MORC3: variants seen among roughly 807,000 people sequenced by gnomAD.
The protein encoded by MORC3 is MORC family CW-type zinc finger protein 3.
A neutral mutation model predicts 109.1 loss-of-function variants in MORC3; 31 were observed. The ratio of observed to expected loss-of-function variants is 0.28; its 90% CI spans 0.21 to 0.38. The LOEUF (loss-of-function observed/expected upper bound fraction) is 0.38, where lower values mean the gene tolerates loss of function less well. Ranked by LOEUF, MORC3 falls within the 10% of genes least tolerant of loss-of-function variation. The pLI, the probability that MORC3 is intolerant of heterozygous loss-of-function variation, is 1.00. For synonymous variants in MORC3, 395 were observed against 380.7 expected, an observed-to-expected ratio of 1.04 and a Z score of -0.44; for missense variants, 867 against 1,135.8, an observed-to-expected ratio of 0.76 and a Z score of 3.40.
rs751357440 is a variant in MORC3 at position 36,320,222 on chromosome 21, G to A, written c.-43G>A. Reference sequence around the variant, plus strand: ...ACAGTCGTTCCGCCACCTCCCAGTCGGGTTGCGGCGGAGGCCGTTCCTGGC... The same window carrying A: ...ACAGTCGTTCCGCCACCTCCCAGTCAGGTTGCGGCGGAGGCCGTTCCTGGC... On this transcript the variant is annotated 5_prime_UTR_variant, in exon 1 of 17. Transcript: ENST00000400485. 18 of 1,565,730 alleles carry A rather than the reference G, an allele frequency of 1.1e-5. No individual in the cohort carries two copies. In the Admixed American group the frequency reaches 1.5e-4, roughly 13 times the overall value.
intron 9 of MORC3, among the ~76,000 whole-genome samples, chr21:36,352,079 T>G (rs889921566): frequency 6.6e-6 from 1 of 152,222 alleles, no homozygotes; most frequent in African/African-American, 2.4e-5. Flanking sequence ...CCAAGTGGGT[T>G]GTGTTCTAAG....
intron 15 of MORC3, among the ~76,000 whole-genome samples, chr21:36,372,162 A>G (rs1438557394): frequency 6.6e-6 from 1 of 151,922 alleles, no homozygotes; most frequent in African/African-American, 2.4e-5. Flanking sequence ...AAGTGGTAAT[A>G]TGTTGTATTC....
intron 1 of MORC3, among the ~76,000 whole-genome samples, chr21:36,328,319 TATA>T (rs1438233790): frequency 6.6e-6 from 1 of 150,546 alleles, no homozygotes; most frequent in Non-Finnish European, 1.5e-5. Flanking sequence ...TTTTGTTATT[TATA>T]ATAATAAGCC....
Position 36,375,258 on chromosome 21 carries a change from C to G in MORC3, c.2782C>G (p.Gln928Glu). 2 of 1,613,462 alleles carry G rather than the reference C, an allele frequency of 1.2e-6. No homozygotes were observed. The highest frequency in any genetic ancestry group is 1.7e-6 in the Non-Finnish European group (2 of 1,179,564). The change falls in exon 17 of 17, where the codon CAA becomes GAA. Residue 928 changes from glutamine to glutamate, a missense_variant. By Grantham distance (29) the Gln-to-Glu change is conservative. This residue lies in a region of MORC3 where 34 missense variants were observed against 35.2 expected (regional missense o/e 0.97). Transcript: ENST00000400485. ...TGATGTAGTTGATGAGATTTTAGGA[C>G]AAGTTGTTGAACAAATGAGTGAAAT... is the stretch of plus-strand genomic sequence containing the variant. Reference protein sequence around the residue: ...DVDVVDEILGQVVEQMSEISS... With the variant: ...DVDVVDEILGEVVEQMSEISS...
intron 1 of MORC3, among the ~76,000 whole-genome samples, chr21:36,328,329 A>G (rs1444879530): frequency 7.0e-6 from 1 of 143,180 alleles, no homozygotes; most frequent in East Asian, 2.0e-4. Context: ...TATAATAATA[A>G]GCCCCCCCCC....
intron 9 of MORC3, among the ~76,000 whole-genome samples, chr21:36,353,224 G>A (rs2085595410): frequency 6.6e-6 from 1 of 151,324 alleles, no homozygotes; most frequent in East Asian, 2.0e-4. Context: ...GGGCTTGGTG[G>A]CGTGTGGCTG....
In MORC3 at chr21:36,337,921, T is replaced by A; in HGVS notation, c.435T>A (p.Val145=). The A allele has an allele frequency of 6.2e-7, 1 of 1,614,136 alleles. No individual in the cohort carries two copies. Among genetic ancestry groups the A allele is most frequent in the Non-Finnish European group, 8.5e-7 (1 of 1,180,002 alleles). ...TCATAAAAGCGGAGCATGTTGTTGT[T>A]CCAATAGTGGCATTCAACAAGCACC... The part of the protein sequence containing the change: ...LEVIKAEHVV[V]PIVAFNKHRQ... The change falls in exon 4 of 17, where the codon GTT becomes GTA. Residue 145 remains valine (V), a synonymous_variant. Coordinates refer to ENST00000400485, the MANE Select transcript of MORC3 (RefSeq NM_015358.3).
chr21:36,324,962 G>A lies in MORC3; in HGVS notation c.39+4659G>A, dbSNP rs931983644. The stretch of plus-strand genomic sequence containing the variant: ...GACCTCAACTGATCCACCCGCCTCG[G>A]CCTCCCAAAGTGCTGGGATTACAGG... On this transcript the variant is annotated intron_variant, in intron 1 of 16. Coordinates refer to ENST00000400485, the MANE Select transcript of MORC3 (RefSeq NM_015358.3). Among the ~76,000 whole-genome samples, 2 of 152,170 alleles carry A rather than the reference G, an allele frequency of 1.3e-5. 1 individual carries two copies.
At chr21:36,364,524 A>C (rs1213228622) in intron 14 of MORC3, among the ~76,000 whole-genome samples, 1 of 151,844 alleles carries the variant, frequency 6.6e-6, no homozygotes. Flanking sequence ...TCTACTACAA[A>C]TACAAAAAAA....
rs1016148472 is a variant in MORC3, at chr21:36,360,378, G to A, written c.1406+120G>A. 3 of 987,834 alleles carry A rather than the reference G, an allele frequency of 3.0e-6. No homozygotes were observed. The African/African-American group carries it at 4.9e-5, about 16-fold the overall frequency. The allele number at this position is 987,834 out of a possible 1,614,324, so 61.2% of individuals were successfully genotyped here. On this transcript the variant is annotated intron_variant, in intron 12 of 16. Transcript: ENST00000400485. ...ACCTGTAACTGAAAAAGTTTATAAT[G>A]TGGAGTGCGTAATATCAAGGGCTTT...
At chr21:36,364,699 C>T (rs1175607414) in intron 14 of MORC3, among the ~76,000 whole-genome samples, 1 of 151,604 alleles carries the variant, frequency 6.6e-6, no homozygotes, top group Non-Finnish European at 1.5e-5. Flanking sequence ...GCATTCTCAC[C>T]TGTTTGAATT....
At chr21:36,351,031 T>C (rs2085564608) in intron 9 of MORC3, among the ~76,000 whole-genome samples, 1 of 151,322 alleles carries the variant, frequency 6.6e-6, no homozygotes, top group Non-Finnish European at 1.5e-5. Flanking sequence ...ATATATAAGA[T>C]GTTATTGTTA....
intron 5 of MORC3, 160 bp downstream of exon 5, chr21:36,339,081 G>A: frequency 1.3e-6 from 1 of 771,150 alleles, no homozygotes; most frequent in Non-Finnish European, 1.9e-6. Context: ...ATGTTATAGA[G>A]GCCATTTCAG....
At chr21:36,374,445 A>G (rs2085906579) in intron 16 of MORC3, among the ~76,000 whole-genome samples, 1 of 152,164 alleles carries the variant, frequency 6.6e-6, no homozygotes, top group Admixed American at 6.5e-5. Flanking sequence ...AGCTTATTTG[A>G]CCACAGAACC....
At chr21:36,358,020 C>CTCA (rs566964061) in intron 10 of MORC3, among the ~76,000 whole-genome samples, 3,005 of 151,868 alleles carry the variant, frequency 0.02, 53 homozygotes, top group Admixed American at 0.043. Flanking sequence ...GGATTACAGG[C>CTCA]GTGAGCCACC....
chr21:36,328,992 C>T (rs992532041), intron 1 of MORC3, among the ~76,000 whole-genome samples: 1 of 151,164 alleles, frequency 6.6e-6, no homozygotes, highest in African/African-American at 2.4e-5. Context: ...AACTTCATAA[C>T]GTTTTAAGAA....
chr21:36,341,603 A>G (rs2085446962), intron 6 of MORC3, 57 bp downstream of exon 6: 1 of 1,603,568 alleles, frequency 6.2e-7, no homozygotes, highest in African/African-American at 1.3e-5. Context: ...TGGTAGTATT[A>G]GGAGAGGTCA....
At chr21:36,345,698 G>A (rs1277975217) in intron 8 of MORC3, among the ~76,000 whole-genome samples, 1 of 152,146 alleles carries the variant, frequency 6.6e-6, no homozygotes, top group Admixed American at 6.5e-5. Context: ...GGGATTACAA[G>A]CGTGTGCCAC....
intron 8 of MORC3, among the ~76,000 whole-genome samples, chr21:36,346,635 C>G (rs1208420038): frequency 6.6e-6 from 1 of 151,964 alleles, no homozygotes; most frequent in Admixed American, 6.6e-5. Flanking sequence ...GGGGCAAAAC[C>G]CTGTCTGTAC....
Sources: gnomAD v4.1 joint callset for allele counts (sites outside exome capture counted in the v4.1 genomes callset) on GRCh38, gnomAD v4.1.1 for gene constraint, gnomAD v4.1.1 regional missense constraint, MANE v1.5 for transcripts, NCBI Gene and HGNC (gene_info 2026-07-23, HGNC 2026-07-21) for gene names.